Variants in PITPNM2 observed in about 807,000 individuals in gnomAD.
The protein encoded by PITPNM2 is phosphatidylinositol transfer protein membrane associated 2.
Under a neutral mutation model 132.2 loss-of-function variants are expected in PITPNM2, and 35 were observed. The ratio of observed to expected loss-of-function variants is 0.26; its 90% CI spans 0.20 to 0.35. PITPNM2 has a LOEUF of 0.35. Among genes scored for constraint, PITPNM2 ranks in the 10% least tolerant of loss-of-function variants. PITPNM2 has a pLI of 1.00. For synonymous variants in PITPNM2, 738 were observed against 799.2 expected, an observed-to-expected ratio of 0.92 and a Z score of 1.29; for missense variants, 1,332 against 1,912.0, an observed-to-expected ratio of 0.70 and a Z score of 5.66.
chr12:123,020,067 C>T (rs1047564511), intron 3 of PITPNM2, among the ~76,000 whole-genome samples: 6 of 152,124 alleles, frequency 3.9e-5, no homozygotes, highest in Non-Finnish European at 7.4e-5. Flanking sequence ...GGCCTGGGAG[C>T]TAGGCAGAAG....
At chr12:123,050,452 A>C (rs2136643141) in intron 2 of PITPNM2, among the ~76,000 whole-genome samples, 1 of 152,080 alleles carries the variant, frequency 6.6e-6, no homozygotes, top group African/African-American at 2.4e-5. Flanking sequence ...ATGGTACCAG[A>C]CTCTGTATCT....
chr12:123,104,589 G>A (rs2042650661), intron 2 of PITPNM2, among the ~76,000 whole-genome samples: 1 of 151,974 alleles, frequency 6.6e-6, no homozygotes, highest in South Asian at 2.1e-4. Context: ...CCCCCACTGA[G>A]CACCTTGCGA....
chr12:123,118,726 C>T (rs2042977336), intron 1 of PITPNM2, among the ~76,000 whole-genome samples: 1 of 152,230 alleles, frequency 6.6e-6, no homozygotes, highest in African/African-American at 2.4e-5. Context: ...AGCTTTGCAG[C>T]CCCGCCTGCG....
At position 123,001,121 on chromosome 12, in the gene PITPNM2, G is replaced by A; in HGVS notation, c.1086C>T (p.Asp362=). 6.2e-7 allele frequency: 1 copy of A among 1,614,200 alleles called. No homozygotes were observed. The highest frequency in any genetic ancestry group is 8.5e-7 in the Non-Finnish European group (1 of 1,180,026). ...LSDTEEMFPK[D]ITKWSSNDLM... ...GGTCATTGGAGCTCCACTTGGTGATGTCCTTGGGGAACATTTCCTCTGTGT... is the reference window on the plus strand; with the variant it reads ...GGTCATTGGAGCTCCACTTGGTGATATCCTTGGGGAACATTTCCTCTGTGT... The change falls in exon 9 of 26, where the codon GAC becomes GAT. Residue 362 remains aspartate (D), a synonymous_variant. Coordinates refer to ENST00000320201, the MANE Select transcript of PITPNM2 (RefSeq NM_020845.3).
chr12:123,148,376 C>T (rs988220962), intron 1 of PITPNM2, among the ~76,000 whole-genome samples: 3 of 152,176 alleles, frequency 2.0e-5, no homozygotes, highest in Non-Finnish European at 4.4e-5. Context: ...TGGAGCAATA[C>T]CACTACGCTT....
intron 1 of PITPNM2, among the ~76,000 whole-genome samples, chr12:123,145,879 T>C (rs2043605038): frequency 6.6e-6 from 1 of 151,964 alleles, no homozygotes; most frequent in African/African-American, 2.4e-5. Context: ...CTATTCACAA[T>C]AGCAAAGACA....
intron 3 of PITPNM2, among the ~76,000 whole-genome samples, chr12:123,017,648 G>T (rs112781307): frequency 6.6e-6 from 1 of 152,182 alleles, no homozygotes; most frequent in African/African-American, 2.4e-5. Context: ...ATAAAATGTG[G>T]TCTATCCATA....
chr12:123,023,094 G>A lies in PITPNM2; in HGVS notation c.79-9052C>T, dbSNP rs575773522. Among the ~76,000 whole-genome samples the A allele has an allele frequency of 4.6e-5, 7 of 152,370 alleles. No individual in the cohort carries two copies. Among genetic ancestry groups the A allele is most frequent in the African/African-American group, 1.7e-4 (7 of 41,580 alleles). On this transcript the variant is annotated intron_variant, in intron 3 of 25. Coordinates refer to ENST00000320201, the MANE Select transcript of PITPNM2 (RefSeq NM_020845.3). This position sits in a 1 kb window ranked among gnomAD's most constrained non-coding sequence, Gnocchi z 4.8. Reference sequence around the variant, plus strand: ...CACAGCTGAATGAGGTAGGCAGTTCGAAGCACAGGCTGGGCTGGGGCCAGC... The same window carrying A: ...CACAGCTGAATGAGGTAGGCAGTTCAAAGCACAGGCTGGGCTGGGGCCAGC...
chr12:123,133,846 GA>G (rs1326513193), intron 1 of PITPNM2, among the ~76,000 whole-genome samples: 1 of 150,500 alleles, frequency 6.6e-6, no homozygotes, highest in East Asian at 2.0e-4. Context: ...CACTGTACAC[GA>G]AAAAGTTTGC....
intron 2 of PITPNM2, among the ~76,000 whole-genome samples, chr12:123,073,629 C>T (rs920667120): frequency 8.5e-5 from 13 of 152,226 alleles, no homozygotes; most frequent in African/African-American, 2.9e-4. Flanking sequence ...ATAGACCCCA[C>T]GATGCAGACT....
chr12:123,032,935 G>A (rs2040144836), intron 3 of PITPNM2, among the ~76,000 whole-genome samples: 1 of 152,186 alleles, frequency 6.6e-6, no homozygotes, highest in Non-Finnish European at 1.5e-5. Flanking sequence ...CCACATAGGG[G>A]AGCCTGGACA....
intron 2 of PITPNM2, among the ~76,000 whole-genome samples, chr12:123,047,663 T>C (rs912733396): frequency 5.3e-5 from 8 of 151,998 alleles, no homozygotes; most frequent in East Asian, 3.9e-4. Context: ...GGTTCTATGA[T>C]GGGTGCTAAG....
chr12:123,016,472 C>A (rs897093163), intron 3 of PITPNM2, among the ~76,000 whole-genome samples: 1 of 151,698 alleles, frequency 6.6e-6, no homozygotes, highest in Non-Finnish European at 1.5e-5. Context: ...CCCACCACCA[C>A]ATCCAGCTAA....
chr12:122,990,413 C>T, intron 17 of PITPNM2, 132 bp downstream of exon 17: 1 of 1,326,846 alleles, frequency 7.5e-7, no homozygotes, highest in Non-Finnish European at 1.0e-6. Context: ...CCTCCCTCTA[C>T]CCACCAGGTG....
At position 123,077,631 on chromosome 12, in the gene PITPNM2, C is replaced by G. The variant is rs959940898; in HGVS notation, c.-96+32754G>C. On this transcript the variant is annotated intron_variant, in intron 2 of 25. Transcript: ENST00000320201. This position sits in a 1 kb window ranked among gnomAD's most constrained non-coding sequence, Gnocchi z 4.8. ...CACGCACCCAAACTCTGCTGTGCCC[C>G]CTCTGAGTTCTGAGCATGCCAGGTG... Among the ~76,000 whole-genome samples, 7 of 152,182 alleles carry G rather than the reference C, an allele frequency of 4.6e-5. No individual in the cohort carries two copies. The highest frequency in any genetic ancestry group is 7.3e-5 in the Non-Finnish European group (5 of 68,032).
rs2042039780 is a variant in PITPNM2 at position 123,083,981 on chromosome 12, G to T, written c.-96+26404C>A. ...CCTCCCCAACCTCAGCAAGCCTGCTGGGGTGACTGCACTCAGGCCAGGCCT... is the reference window on the plus strand; with the variant it reads ...CCTCCCCAACCTCAGCAAGCCTGCTTGGGTGACTGCACTCAGGCCAGGCCT... On this transcript the variant is annotated intron_variant, in intron 2 of 25. Coordinates refer to ENST00000320201, the MANE Select transcript of PITPNM2 (RefSeq NM_020845.3). This position sits in a 1 kb window ranked among gnomAD's most constrained non-coding sequence, Gnocchi z 4.5. 1 of 152,318 alleles carries T rather than the reference G, an allele frequency of 6.6e-6. No individual in the cohort carries two copies. The highest frequency in any genetic ancestry group is 1.5e-5 in the Non-Finnish European group (1 of 68,096). The allele number at this position is 152,318 out of a possible 1,614,324, so 9.4% of individuals were successfully genotyped here. A position where few individuals can be genotyped will look rare whatever the true frequency, so the allele number is the denominator to read the frequency against.
At chr12:123,135,332 T>G (rs536896883) in intron 1 of PITPNM2, among the ~76,000 whole-genome samples, 2 of 152,288 alleles carry the variant, frequency 1.3e-5, no homozygotes, top group African/African-American at 2.4e-5. Context: ...TAAATATTTT[T>G]AAACCATTTG....
At chr12:123,079,358 T>TC (rs1212818860) in intron 2 of PITPNM2, among the ~76,000 whole-genome samples, 78 of 102,654 alleles carry the variant, frequency 7.6e-4, no homozygotes, top group African/African-American at 3.7e-3. Flanking sequence ...TTCTTTTTTT[T>TC]TTTTTTTTTT....
chr12:123,035,527 G>A (rs1413549619), intron 2 of PITPNM2, among the ~76,000 whole-genome samples: 2 of 152,098 alleles, frequency 1.3e-5, no homozygotes, highest in African/African-American at 4.8e-5. Flanking sequence ...TTAGCCGCAG[G>A]TGGTGGCAGG....
Sources: gnomAD v4.1 joint callset for allele counts (sites outside exome capture counted in the v4.1 genomes callset) on GRCh38, gnomAD v4.1.1 for gene constraint, Gnocchi (gnomAD v3.1) non-coding constraint, MANE v1.5 for transcripts, NCBI Gene and HGNC (gene_info 2026-07-23, HGNC 2026-07-21) for gene names.